The following C3orf52 variants were observed in gnomAD, a reference collection of about 807,000 sequenced individuals.
The protein encoded by C3orf52 is chromosome 3 open reading frame 52.
Under a neutral mutation model 24.8 loss-of-function variants are expected in C3orf52, and 22 were observed. The observed-to-expected ratio is 0.89, with a 90% CI of 0.63 to 1.27. The LOEUF is 1.27. Ranked by LOEUF, C3orf52 falls within the 50% of genes most tolerant of loss-of-function variation. The pLI, the probability that C3orf52 is intolerant of heterozygous loss-of-function variation, is 0.00. For missense variants in C3orf52, 265 were observed against 260.7 expected (o/e 1.02, Z -0.11); for synonymous variants, 93 against 100.2 (o/e 0.93, Z 0.43).
chr3:112,116,291 T>A (rs964211629), intron 5 of C3orf52, among the ~76,000 whole-genome samples: 4 of 152,120 alleles, frequency 2.6e-5, no homozygotes, highest in Non-Finnish European at 4.4e-5. Flanking sequence ...TCACAGTATA[T>A]TTTACACGTT....
rs921251781 is a variant in C3orf52 at position 112,102,494 on chromosome 3, G to A, written c.269-344G>A. Among the ~76,000 whole-genome samples the A allele has an allele frequency of 2.6e-5, 4 of 152,112 alleles. No homozygotes were observed. The East Asian group carries it at 7.7e-4, about 29-fold the overall frequency. ...CCACCCCCACCGTCTCCCAGTACCT[G>A]CCTTGACACCTGTGTACCTAGCTAA... is the stretch of plus-strand genomic sequence containing the variant. On this transcript the variant is annotated intron_variant, in intron 2 of 5. Transcript: ENST00000264848.
intron 1 of C3orf52, among the ~76,000 whole-genome samples, chr3:112,092,011 AAAG>A (rs1308772519): frequency 7.5e-5 from 1 of 13,254 alleles, no homozygotes. Flanking sequence ...CTCAAGAAAA[AAAG>A]AAAAAAAAAA....
downstream of C3orf52, chr3:112,132,645 A>T (rs1370201400): frequency 2.0e-6 from 2 of 986,818 alleles, no homozygotes; most frequent in African/African-American, 1.7e-5. Context: ...ACCTGCTTGC[A>T]GGGAGTGCAC....
At chr3:112,094,556 A>G (rs2073909970) in intron 2 of C3orf52, among the ~76,000 whole-genome samples, 1 of 152,134 alleles carries the variant, frequency 6.6e-6, no homozygotes, top group African/African-American at 2.4e-5. Flanking sequence ...ATTTCTTTAT[A>G]GTCTTGTGGA....
chr3:112,092,887 G>C (rs1248326323), intron 1 of C3orf52, among the ~76,000 whole-genome samples: 2 of 151,916 alleles, frequency 1.3e-5, no homozygotes, highest in Non-Finnish European at 2.9e-5. Flanking sequence ...CTCGGCTCTG[G>C]TGTTTCAAAA....
downstream of C3orf52, chr3:112,120,942 T>G (rs2074184445): frequency 6.6e-6 from 1 of 152,224 alleles, no homozygotes; most frequent in Non-Finnish European, 1.5e-5. Flanking sequence ...TTGTTCTTAA[T>G]ATTATTTTTG....
chr3:112,105,686 A>C (rs2074017064), intron 3 of C3orf52, among the ~76,000 whole-genome samples: 1 of 151,954 alleles, frequency 6.6e-6, no homozygotes, highest in Non-Finnish European at 1.5e-5. Context: ...TCAGCCCCAC[A>C]AAACTTCCCT....
At chr3:112,121,108 T>A (rs1229058145), downstream of C3orf52, 3 of 152,194 alleles carry the variant, frequency 2.0e-5, no homozygotes, top group Non-Finnish European at 4.4e-5. Flanking sequence ...CTTTCTTTGG[T>A]TAAACATTTA....
intron 5 of C3orf52, among the ~76,000 whole-genome samples, chr3:112,115,659 T>C (rs1031661005): frequency 1.3e-5 from 2 of 152,208 alleles, no homozygotes; most frequent in African/African-American, 4.8e-5. Context: ...AGTATTTCCC[T>C]GAGGCCAGCC....
chr3:112,088,809 G>A (rs531780705), intron 1 of C3orf52, among the ~76,000 whole-genome samples: 2 of 152,158 alleles, frequency 1.3e-5, no homozygotes, highest in Non-Finnish European at 2.9e-5. Context: ...GGCAATTTAA[G>A]TGAGCTAGGA....
At chr3:112,101,929 T>C (rs923689510) in intron 2 of C3orf52, among the ~76,000 whole-genome samples, 1 of 152,204 alleles carries the variant, frequency 6.6e-6, no homozygotes, top group African/African-American at 2.4e-5. Flanking sequence ...CTCCTCACTT[T>C]GTGTGATTTT....
chr3:112,095,469 T>C (rs1022331883), intron 2 of C3orf52, among the ~76,000 whole-genome samples: 1 of 152,166 alleles, frequency 6.6e-6, no homozygotes. Flanking sequence ...AGACCCAGGA[T>C]CTGTCTTCCA....
At position 112,088,661 on chromosome 3, in the gene C3orf52, T is replaced by TTCTATCTATCTATCTA. The variant is rs148242711; in HGVS notation, c.138+2126_138+2141dup. Among the ~76,000 whole-genome samples the TTCTATCTATCTATCTA allele has an allele frequency of 2.7e-4, 41 of 151,966 alleles. No individual in the cohort carries two copies. In the East Asian group the frequency reaches 7.1e-3, roughly 26 times the overall value. On this transcript the variant is annotated intron_variant, in intron 1 of 5. Transcript: ENST00000264848. ...AACCTTTGCTGTTTCTGTTGATTTATTCTATCTATCTATCTATCTATCTAT... is the reference window on the plus strand; with the variant it reads ...AACCTTTGCTGTTTCTGTTGATTTATTCTATCTATCTATCTATCTATCTATCTATCTATCTATCTAT...
At chr3:112,126,900 C>T in intron 4 of C3orf52, 1 of 922,026 alleles carries the variant, frequency 1.1e-6, no homozygotes, top group Non-Finnish European at 1.8e-6. Context: ...TGAAATATGC[C>T]TAAGGGGCTT....
At chr3:112,106,069 T>C (rs572433171) in intron 3 of C3orf52, among the ~76,000 whole-genome samples, 19 of 152,272 alleles carry the variant, frequency 1.2e-4, no homozygotes, top group African/African-American at 3.8e-4. Flanking sequence ...TGGGCATCCA[T>C]GTCCTTTCAG....
At chr3:112,089,088 A>G (rs1434903512) in intron 1 of C3orf52, among the ~76,000 whole-genome samples, 2 of 152,184 alleles carry the variant, frequency 1.3e-5, no homozygotes, top group Admixed American at 6.5e-5. Context: ...AAAATAAATT[A>G]TGGGTAATAG....
chr3:112,110,591 G>A (rs1341958282), intron 4 of C3orf52, among the ~76,000 whole-genome samples: 2 of 152,060 alleles, frequency 1.3e-5, no homozygotes, highest in African/African-American at 2.4e-5. Context: ...CATCTTTAAT[G>A]TTCTTGAGAT....
At chr3:112,125,338 C>A in intron 4 of C3orf52, 1 of 949,270 alleles carries the variant, frequency 1.1e-6, no homozygotes, top group Non-Finnish European at 1.7e-6. Flanking sequence ...ATATAAATAA[C>A]TAAAAAGCCA....
chr3:112,095,288 A>G (rs775418243), intron 2 of C3orf52, among the ~76,000 whole-genome samples: 49 of 152,312 alleles, frequency 3.2e-4, no homozygotes, highest in Non-Finnish European at 6.0e-4. Flanking sequence ...ATTCATATCA[A>G]TTCCAACACA....
Sources: allele counts gnomAD v4.1 joint callset (sites outside exome capture counted in the v4.1 genomes callset), GRCh38; gene constraint gnomAD v4.1.1; transcripts MANE v1.5; gene names NCBI Gene and HGNC (gene_info 2026-07-23, HGNC 2026-07-21).